Variants in NPAS3 observed in about 807,000 individuals in gnomAD.
NPAS3 encodes the protein neuronal PAS domain-containing protein 3.
NPAS3 carries 14 observed loss-of-function variants against 73.1 expected under a neutral mutation model. That is an observed-to-expected ratio of 0.19 (90% CI 0.13 to 0.30). The LOEUF (loss-of-function observed/expected upper bound fraction) is 0.30, where lower values mean the gene tolerates loss of function less well. Ranked by LOEUF, NPAS3 falls within the 10% of genes least tolerant of loss-of-function variation. The pLI, the probability that NPAS3 is intolerant of heterozygous loss-of-function variation, is 1.00. For synonymous variants in NPAS3, 620 were observed against 541.5 expected (o/e 1.14, Z -2.01); for missense variants, 1,096 against 1,250.0 (o/e 0.88, Z 1.86).
intron 5 of NPAS3, among the ~76,000 whole-genome samples, chr14:33,585,797 C>T (rs1825630048): frequency 6.6e-6 from 1 of 152,164 alleles, no homozygotes; most frequent in South Asian, 2.1e-4. Context: ...ATGAAAGTCT[C>T]AAAATGTGGG....
intron 2 of NPAS3, among the ~76,000 whole-genome samples, chr14:33,094,098 C>T (rs890994365): frequency 7.1e-5 from 10 of 140,660 alleles, no homozygotes; most frequent in African/African-American, 2.9e-4. Context: ...GTACATGTAC[C>T]CTAGAACTTA....
intron 3 of NPAS3, among the ~76,000 whole-genome samples, chr14:33,326,872 G>A (rs971958176): frequency 6.6e-6 from 1 of 152,140 alleles, no homozygotes; most frequent in East Asian, 1.9e-4. Context: ...AGGCGGTGGT[G>A]GACATTCACT....
At chr14:33,470,381 T>G (rs2050728303) in intron 4 of NPAS3, among the ~76,000 whole-genome samples, 1 of 152,190 alleles carries the variant, frequency 6.6e-6, no homozygotes, top group Non-Finnish European at 1.5e-5. Flanking sequence ...TTCTTAAGCA[T>G]TTAGGACCAT....
intron 1 of NPAS3, among the ~76,000 whole-genome samples, chr14:32,963,048 A>G (rs17099764): frequency 0.022 from 3,285 of 152,074 alleles, 119 homozygotes; most frequent in African/African-American, 0.075. Flanking sequence ...AAAGTCATCT[A>G]TCATTTAAAT....
At chr14:33,231,811 CT>C (rs2047862145) in intron 3 of NPAS3, among the ~76,000 whole-genome samples, 1 of 152,080 alleles carries the variant, frequency 6.6e-6, no homozygotes, top group East Asian at 1.9e-4. Context: ...TTTAAGTAAA[CT>C]TAGATGCTTT....
chr14:33,607,695 A>G lies in NPAS3; in HGVS notation c.558+47485A>G, dbSNP rs189775877. Among the ~76,000 whole-genome samples, 167 of 152,320 alleles carry G rather than the reference A, an allele frequency of 1.1e-3. 2 individuals are homozygous for G. Among genetic ancestry groups the G allele is most frequent in the African/African-American group, 3.7e-3 (152 of 41,580 alleles). ...CAGTTGTACCTCTAATAGGATTGTT[A>G]GGAACATGTATTAGTCCGTTCTCAT... On this transcript the variant is annotated intron_variant, in intron 5 of 11. Transcript: ENST00000356141.
chr14:33,133,371 G>A (rs911130054), intron 2 of NPAS3, among the ~76,000 whole-genome samples: 7 of 152,150 alleles, frequency 4.6e-5, no homozygotes, highest in Non-Finnish European at 7.4e-5. Context: ...ATTTTATTCA[G>A]AAGATATTAG....
intron 3 of NPAS3, among the ~76,000 whole-genome samples, chr14:33,348,351 A>G (rs922354853): frequency 1.3e-5 from 2 of 152,142 alleles, no homozygotes; most frequent in African/African-American, 2.4e-5. Flanking sequence ...CTTCTTAAGC[A>G]TAGGTAATTT....
chr14:33,345,400 T>G (rs1456031289), intron 3 of NPAS3, among the ~76,000 whole-genome samples: 1 of 152,208 alleles, frequency 6.6e-6, no homozygotes, highest in African/African-American at 2.4e-5. Flanking sequence ...AGGTCATAGA[T>G]ATTATGGAAG....
At chr14:33,435,974 G>T (rs1266830841) in intron 4 of NPAS3, among the ~76,000 whole-genome samples, 1 of 152,188 alleles carries the variant, frequency 6.6e-6, no homozygotes, top group Non-Finnish European at 1.5e-5. Flanking sequence ...CACTGTGTCT[G>T]TGAGAAACTG....
chr14:33,136,829 G>A (rs2043858810), intron 2 of NPAS3, among the ~76,000 whole-genome samples: 1 of 152,218 alleles, frequency 6.6e-6, no homozygotes. Flanking sequence ...AAGATGATGG[G>A]AGCAATTTAC....
At position 33,794,048 on chromosome 14, in the gene NPAS3, T is replaced by C; in HGVS notation, c.1301+4T>C. ...TCTGGGTGAATTACCTTCTTAGGTA[T>C]ATTTTCTACTTCTTTTCTATTTCTG... On this transcript the variant is annotated splice_donor_region_variant and intron_variant, in intron 10 of 11. Transcript: ENST00000356141. The C allele has an allele frequency of 6.2e-7, 1 of 1,609,912 alleles. No individual in the cohort carries two copies. Among genetic ancestry groups the C allele is most frequent in the South Asian group, 1.1e-5 (1 of 90,940 alleles).
chr14:33,440,194 C>G (rs1477035516), intron 4 of NPAS3, among the ~76,000 whole-genome samples: 1 of 151,924 alleles, frequency 6.6e-6, no homozygotes, highest in African/African-American at 2.4e-5. Context: ...GTGAAATTAC[C>G]CAGCTCCTCA....
chr14:33,578,895 A>G (rs910404185), intron 5 of NPAS3, among the ~76,000 whole-genome samples: 2 of 152,246 alleles, frequency 1.3e-5, no homozygotes, highest in Non-Finnish European at 2.9e-5. Flanking sequence ...AAATAATTAA[A>G]GGGAATTCAA....
At chr14:33,123,476 G>GT (rs2139051535) in intron 2 of NPAS3, among the ~76,000 whole-genome samples, 1 of 152,234 alleles carries the variant, frequency 6.6e-6, no homozygotes, top group East Asian at 1.9e-4. Context: ...GTCCAGGCAT[G>GT]GTGATTAATA....
intron 5 of NPAS3, among the ~76,000 whole-genome samples, chr14:33,576,817 CTTA>C (rs2056454684): frequency 6.6e-6 from 1 of 152,196 alleles, no homozygotes; most frequent in Non-Finnish European, 1.5e-5. Context: ...GTATCTTTCA[CTTA>C]TTATAGCATG....
intron 2 of NPAS3, among the ~76,000 whole-genome samples, chr14:33,195,051 G>A (rs769125940): frequency 7.0e-6 from 1 of 143,638 alleles, no homozygotes; most frequent in African/African-American, 2.5e-5. Context: ...ACAGATAATT[G>A]ATTGATTTGG....
At chr14:33,253,127 G>A (rs1158461607) in intron 3 of NPAS3, among the ~76,000 whole-genome samples, 2 of 152,118 alleles carry the variant, frequency 1.3e-5, no homozygotes, top group African/African-American at 4.8e-5. Context: ...TTATTCTTTT[G>A]GTAGATACCC....
At chr14:33,774,224 G>A (rs2062741277) in intron 7 of NPAS3, 113 bp from the exon 8 acceptor site, 1 of 750,020 alleles carries the variant, frequency 1.3e-6, no homozygotes, top group Non-Finnish European at 2.2e-6. Context: ...GATTACAGAA[G>A]ATACAAGCTA....
Sources: gnomAD v4.1 joint callset for allele counts (sites outside exome capture counted in the v4.1 genomes callset) on GRCh38, gnomAD v4.1.1 for gene constraint, MANE v1.5 for transcripts, NCBI Gene and HGNC (gene_info 2026-07-23, HGNC 2026-07-21) for gene names.